Variants in ANK3 observed in about 807,000 individuals in gnomAD.
ANK3 encodes the protein ankyrin 3.
A neutral mutation model predicts 370.9 loss-of-function variants in ANK3; 57 were observed. The observed-to-expected ratio is 0.15, with a 90% CI of 0.12 to 0.19. The LOEUF (loss-of-function observed/expected upper bound fraction) is 0.19. ANK3 is among the 10% of genes least tolerant of loss of function. The pLI is 1.00. For missense variants in ANK3, 4,439 were observed against 5,302.1 expected, an observed-to-expected ratio of 0.84 and a Z score of 5.06; for synonymous variants, 1,929 against 1,946.3, an observed-to-expected ratio of 0.99 and a Z score of 0.23.
At chr10:60,676,884 G>C (rs918267733) in intron 1 of ANK3, among the ~76,000 whole-genome samples, 1 of 152,198 alleles carries the variant, frequency 6.6e-6, no homozygotes. Context: ...ACAGCTAAAA[G>C]AGAAGACTTG....
chr10:60,483,722 A>G (rs984815192), intron 2 of ANK3, among the ~76,000 whole-genome samples: 4 of 152,076 alleles, frequency 2.6e-5, no homozygotes, highest in African/African-American at 9.7e-5. Flanking sequence ...CTCCCCCTCC[A>G]GCCCCCAGGA....
chr10:60,338,700 T>C (rs10761484), intron 1 of ANK3, among the ~76,000 whole-genome samples: 106,950 of 151,946 alleles, frequency 0.7, 38,770 homozygotes, highest in South Asian at 0.91. Flanking sequence ...CTGAAAGTTC[T>C]CCCCTTTGAT....
intron 42 of ANK3, among the ~76,000 whole-genome samples, chr10:60,045,809 CAT>C (rs1313440822): frequency 6.6e-6 from 1 of 152,118 alleles, no homozygotes; most frequent in East Asian, 1.9e-4. Context: ...CTATGATTGC[CAT>C]ATGTCATGTG....
chr10:60,576,787 C>G (rs2077687897), intron 2 of ANK3, among the ~76,000 whole-genome samples: 1 of 152,156 alleles, frequency 6.6e-6, no homozygotes, highest in African/African-American at 2.4e-5. Context: ...ATCTTTAGAG[C>G]TAAGTGAAAC....
intron 1 of ANK3, among the ~76,000 whole-genome samples, chr10:60,702,686 G>T (rs532350115): frequency 6.6e-6 from 1 of 152,226 alleles, no homozygotes; most frequent in African/African-American, 2.4e-5. Context: ...AAGCATTTCG[G>T]CTAATAAAGA....
In ANK3 at chr10:60,026,341, T is replaced by C. The variant is rs1302964125; in HGVS notation, c.*3505A>G. 1 of 152,208 alleles carries C rather than the reference T, an allele frequency of 6.6e-6. No homozygotes were observed. Among genetic ancestry groups the C allele is most frequent in the East Asian group, 1.9e-4 (1 of 5,190 alleles). The allele number at this position is 152,208 out of a possible 1,614,324, so 9.4% of individuals were successfully genotyped here. On this transcript the variant is annotated 3_prime_UTR_variant, in exon 44 of 44. Transcript: ENST00000280772. ...AAATGTTTACTTCTGGACAATTTGA[T>C]CAATTCATGAAACAGAAGCAGTGTG...
chr10:60,206,715 T>C (rs951855860), intron 10 of ANK3, among the ~76,000 whole-genome samples: 1 of 152,230 alleles, frequency 6.6e-6, no homozygotes, highest in African/African-American at 2.4e-5. Flanking sequence ...ATTATTTGAA[T>C]CATTTTGTTT....
intron 2 of ANK3, among the ~76,000 whole-genome samples, chr10:60,418,508 AT>A (rs994863809): frequency 2.0e-5 from 3 of 152,062 alleles, no homozygotes; most frequent in African/African-American, 7.2e-5. Flanking sequence ...GGTTTTATTC[AT>A]TTTTTAATGC....
chr10:60,546,841 TC>T (rs1255291288), intron 2 of ANK3, among the ~76,000 whole-genome samples: 1 of 152,138 alleles, frequency 6.6e-6, no homozygotes, highest in Non-Finnish European at 1.5e-5. Flanking sequence ...AGGCAGATCC[TC>T]TCATAGTGCT....
Position 60,071,318 on chromosome 10 carries a change from G to C in ANK3, c.9563C>G (p.Ser3188Trp), listed in dbSNP as rs1298616453. 2.5e-6 allele frequency: 4 copies of C among 1,614,080 alleles called. No individual in the cohort carries two copies. The South Asian group carries it at 3.3e-5, about 13-fold the overall frequency. ...TTTGCCTGGTATATAAGCTATGAGCGAGTCAGGTGTCTTAGATGTAAATTC... is the reference window on the plus strand; with the variant it reads ...TTTGCCTGGTATATAAGCTATGAGCCAGTCAGGTGTCTTAGATGTAAATTC... ...SYEFTSKTPD[S>W]LIAYIPGKPS... The change falls in exon 37 of 44, where the codon TCG (serine) becomes TGG (tryptophan). Residue 3188 changes from serine to tryptophan, a missense_variant. Coordinates refer to ENST00000280772, the MANE Select transcript of ANK3 (RefSeq NM_020987.5).
Position 60,261,887 on chromosome 10 carries a change from C to T in ANK3, c.770G>A (p.Arg257Gln), listed in dbSNP as rs1459024330. Residue 257 changes from arginine (R) to glutamine (Q), a missense_variant, in exon 7 of 44, where the codon CGA (arginine) becomes CAA (glutamine). Arg to Gln is a conservative substitution (Grantham distance 43). This residue lies in a region of ANK3 where 227 missense variants were observed against 377.6 expected (regional missense o/e 0.60). Coordinates refer to ENST00000280772, the MANE Select transcript of ANK3 (RefSeq NM_020987.5). The stretch of plus-strand genomic sequence containing the variant: ...TGCGGTGAAATCCACAGCAGCCGCT[C>T]GGTTTAACAGCAACGTGGCTACATT... ...NINVATLLLN[R>Q]AAAVDFTARN... 13 of 1,613,960 alleles carry T rather than the reference C, an allele frequency of 8.1e-6. No homozygotes were observed. The highest frequency in any genetic ancestry group is 1.3e-5 in the African/African-American group (1 of 74,922).
intron 1 of ANK3, among the ~76,000 whole-genome samples, chr10:60,726,646 G>GT (rs1297544536): frequency 2.0e-5 from 3 of 152,042 alleles, no homozygotes; most frequent in African/African-American, 7.2e-5. Flanking sequence ...TTTTGTTTTT[G>GT]TTTTTTTCTT....
intron 28 of ANK3, among the ~76,000 whole-genome samples, chr10:60,094,718 T>C (rs59133786): frequency 0.042 from 4,571 of 109,374 alleles, 231 homozygotes; most frequent in African/African-American, 0.15. Flanking sequence ...ATAAATGACA[T>C]AGATAGTAGG....
intron 2 of ANK3, among the ~76,000 whole-genome samples, chr10:60,608,578 C>T (rs893092829): frequency 6.6e-6 from 1 of 152,160 alleles, no homozygotes; most frequent in Admixed American, 6.6e-5. Context: ...AGAGGCTCAG[C>T]AGGCATCTGA....
intron 29 of ANK3, 32 bp downstream of exon 29, chr10:60,088,115 T>C (rs2087173289): frequency 6.3e-7 from 1 of 1,581,024 alleles, no homozygotes; most frequent in Admixed American, 1.7e-5. Context: ...TCTCTGCGCA[T>C]ACTGAGGGAA....
intron 1 of ANK3, among the ~76,000 whole-genome samples, chr10:60,346,252 T>C (rs1325772878): frequency 2.0e-5 from 3 of 151,990 alleles, no homozygotes; most frequent in African/African-American, 7.2e-5. Context: ...TAATTTATAC[T>C]TTTGTGTACA....
chr10:60,427,547 G>A (rs1025114699), intron 2 of ANK3, among the ~76,000 whole-genome samples: 3 of 151,894 alleles, frequency 2.0e-5, no homozygotes, highest in African/African-American at 7.3e-5. Flanking sequence ...AACCTCAGGA[G>A]TTCAAACTTG....
At chr10:60,211,918 A>AAAAAGG (rs2096862702) in intron 9 of ANK3, among the ~76,000 whole-genome samples, 6 of 151,644 alleles carry the variant, frequency 4.0e-5, no homozygotes, top group Admixed American at 3.9e-4. Context: ...AAAAAAGGAA[A>AAAAAGG]AAAAGGAAAT....
At chr10:60,492,776 T>C (rs1263387397) in intron 2 of ANK3, among the ~76,000 whole-genome samples, 1 of 94,158 alleles carries the variant, frequency 1.1e-5, no homozygotes. Context: ...TGGGGGAAAA[T>C]AATAAGAAAA....
Sources: allele counts gnomAD v4.1 joint callset (sites outside exome capture counted in the v4.1 genomes callset), GRCh38; gene constraint gnomAD v4.1.1; regional missense constraint gnomAD v4.1.1; transcripts MANE v1.5; gene names NCBI Gene and HGNC (gene_info 2026-07-23, HGNC 2026-07-21).